Variants in ARHGAP24 observed in about 807,000 individuals in gnomAD.
The protein encoded by ARHGAP24 is Rho GTPase activating protein 24.
Under a neutral mutation model 76.4 loss-of-function variants are expected in ARHGAP24, and 50 were observed. The ratio of observed to expected loss-of-function variants is 0.65; its 90% CI spans 0.52 to 0.83. The LOEUF (loss-of-function observed/expected upper bound fraction) is 0.83. ARHGAP24 is among the 40% of genes least tolerant of loss of function. ARHGAP24 has a pLI of 0.00. For synonymous variants in ARHGAP24, 345 were observed against 323.3 expected (o/e 1.07, Z -0.72); for missense variants, 930 against 914.2 (o/e 1.02, Z -0.22).
At chr4:85,564,615 C>G (rs575917830) in intron 1 of ARHGAP24, among the ~76,000 whole-genome samples, 1 of 151,444 alleles carries the variant, frequency 6.6e-6, no homozygotes, top group Non-Finnish European at 1.5e-5. Flanking sequence ...CACCAGGGAC[C>G]AGTTTCACGG....
chr4:85,748,335 A>G (rs552761388), intron 3 of ARHGAP24, among the ~76,000 whole-genome samples: 2 of 152,320 alleles, frequency 1.3e-5, no homozygotes, highest in South Asian at 2.1e-4. Flanking sequence ...CCTTTCTCAT[A>G]CATATGCCAT....
At chr4:85,503,243 G>A (rs572535057) in intron 1 of ARHGAP24, among the ~76,000 whole-genome samples, 164 of 152,286 alleles carry the variant, frequency 1.1e-3, no homozygotes, top group African/African-American at 3.8e-3. Context: ...AAATGAGTTA[G>A]GGAGGATTCC....
intron 2 of ARHGAP24, among the ~76,000 whole-genome samples, chr4:85,651,053 A>C (rs1721923642): frequency 5.7e-5 from 1 of 17,602 alleles, no homozygotes; most frequent in African/African-American, 5.7e-4. Flanking sequence ...AAAGGTCTGC[A>C]TGGGAAAAAT....
chr4:85,799,796 T>C (rs1375608060), intron 3 of ARHGAP24, among the ~76,000 whole-genome samples: 4 of 152,150 alleles, frequency 2.6e-5, no homozygotes, highest in African/African-American at 7.2e-5. Context: ...TATACTGATA[T>C]CACGTGCCTC....
chr4:85,686,069 C>G (rs1560585309), intron 2 of ARHGAP24, among the ~76,000 whole-genome samples: 3 of 152,180 alleles, frequency 2.0e-5, no homozygotes, highest in Non-Finnish European at 4.4e-5. Flanking sequence ...GCATGGCTGT[C>G]TCAGGATAGT....
intron 9 of ARHGAP24, 110 bp downstream of exon 9, chr4:85,995,767 C>T: frequency 9.4e-7 from 1 of 1,061,130 alleles, no homozygotes; most frequent in South Asian, 1.4e-5. Flanking sequence ...CAAAGAAACA[C>T]AAGTTTGCTC....
At chr4:85,500,818 C>T (rs1476788569) in intron 1 of ARHGAP24, among the ~76,000 whole-genome samples, 4 of 152,058 alleles carry the variant, frequency 2.6e-5, no homozygotes, top group Admixed American at 6.6e-5. Flanking sequence ...CTGCACCCAT[C>T]CACTCGTCAT....
At chr4:85,972,230 T>C in intron 6 of ARHGAP24, 62 bp downstream of exon 6, 2 of 1,600,156 alleles carry the variant, frequency 1.2e-6, no homozygotes, top group Non-Finnish European at 1.7e-6. Flanking sequence ...GTGTTCTTAG[T>C]CTTAAATCTG....
chr4:85,663,038 T>C (rs1722467018), intron 2 of ARHGAP24, among the ~76,000 whole-genome samples: 1 of 152,088 alleles, frequency 6.6e-6, no homozygotes. Context: ...AAAGTAGTTT[T>C]TTCCAATTCT....
rs895089848 is a variant in ARHGAP24 at position 85,930,574 on chromosome 4, C to CA, written c.391+6811dup. The CA allele has an allele frequency of 2.1e-5, 22 of 1,034,580 alleles. No homozygotes were observed. The African/African-American group carries it at 2.4e-4, about 11-fold the overall frequency. 64.1% of individuals were successfully genotyped at this position (1,034,580 alleles called of 1,614,324 possible). ...CTGAGAAGACAGTTCTTAATAAAAA[C>CA]AAAAAAATGCAAAAACCAATTCCTG... On this transcript the variant is annotated intron_variant, in intron 4 of 9. Coordinates refer to ENST00000395184, the MANE Select transcript of ARHGAP24 (RefSeq NM_001025616.3).
chr4:85,934,855 G>A (rs1157116962), intron 4 of ARHGAP24, among the ~76,000 whole-genome samples: 1 of 152,184 alleles, frequency 6.6e-6, no homozygotes, highest in Non-Finnish European at 1.5e-5. Context: ...CTTGGCCACT[G>A]TATCCTAATA....
At chr4:85,765,659 A>T (rs2110075761) in intron 3 of ARHGAP24, among the ~76,000 whole-genome samples, 1 of 152,296 alleles carries the variant, frequency 6.6e-6, no homozygotes, top group Non-Finnish European at 1.5e-5. Flanking sequence ...AGGGATAAAA[A>T]GTAACAAAAT....
chr4:85,959,031 G>C (rs1050870245), intron 5 of ARHGAP24, among the ~76,000 whole-genome samples: 1 of 152,162 alleles, frequency 6.6e-6, no homozygotes, highest in African/African-American at 2.4e-5. Context: ...GGGCGAGTCC[G>C]TAGAGTAAAG....
intron 3 of ARHGAP24, among the ~76,000 whole-genome samples, chr4:85,730,022 C>A (rs1366565901): frequency 6.6e-6 from 1 of 152,172 alleles, no homozygotes; most frequent in Non-Finnish European, 1.5e-5. Flanking sequence ...CAGGCCATGG[C>A]ATTATCCATT....
At chr4:85,902,026 C>T (rs1734523319) in intron 3 of ARHGAP24, among the ~76,000 whole-genome samples, 1 of 152,124 alleles carries the variant, frequency 6.6e-6, no homozygotes, top group African/African-American at 2.4e-5. Flanking sequence ...CTCCCTGAGT[C>T]CATGTGTTCT....
intron 8 of ARHGAP24, among the ~76,000 whole-genome samples, chr4:85,981,193 T>C (rs1245193871): frequency 6.6e-6 from 1 of 152,220 alleles, no homozygotes; most frequent in Non-Finnish European, 1.5e-5. Context: ...TCCATTTTTA[T>C]TTGAAAGGAC....
chr4:85,693,847 T>C (rs1578146006), intron 2 of ARHGAP24, among the ~76,000 whole-genome samples: 1 of 152,144 alleles, frequency 6.6e-6, no homozygotes, highest in East Asian at 1.9e-4. Context: ...GCTAGGTGCA[T>C]CAAGGCCCGT....
intron 2 of ARHGAP24, among the ~76,000 whole-genome samples, chr4:85,671,828 A>G (rs1722824615): frequency 6.6e-6 from 1 of 152,208 alleles, no homozygotes; most frequent in Admixed American, 6.6e-5. Flanking sequence ...AGAATGTGCT[A>G]CAAATGTACT....
intron 3 of ARHGAP24, among the ~76,000 whole-genome samples, chr4:85,828,802 A>G (rs1349686599): frequency 2.0e-5 from 3 of 152,098 alleles, no homozygotes; most frequent in Non-Finnish European, 4.4e-5. Context: ...TTGGCTACTT[A>G]AGTGAACCCA....
Sources: allele counts gnomAD v4.1 joint callset (sites outside exome capture counted in the v4.1 genomes callset), GRCh38; gene constraint gnomAD v4.1.1; transcripts MANE v1.5; gene names NCBI Gene and HGNC (gene_info 2026-07-23, HGNC 2026-07-21).